SHISA9: variants seen among roughly 807,000 people sequenced by gnomAD.
SHISA9 encodes shisa family member 9, also known as protein shisa-9.
SHISA9 carries 13 observed loss-of-function variants against 38.0 expected under a neutral mutation model. The observed-to-expected ratio is 0.34, with a 90% CI of 0.22 to 0.54. The LOEUF (loss-of-function observed/expected upper bound fraction) is 0.54, where lower values mean the gene tolerates loss of function less well. SHISA9 is among the 20% of genes least tolerant of loss of function. The probability of loss-of-function intolerance (pLI) is 0.91; values close to 1 mark genes in which losing one functional copy is unlikely to be tolerated. For synonymous variants in SHISA9, 275 were observed against 242.0 expected (o/e 1.14, Z -1.27); for missense variants, 538 against 575.8 (o/e 0.93, Z 0.67).
the SHISA9 span, among the ~76,000 whole-genome samples, chr16:13,297,407 G>C: frequency 3.9e-5 from 6 of 152,288 alleles, no homozygotes; most frequent in African/African-American, 1.4e-4. Flanking sequence ...AGACCAGGTT[G>C]ACATAAGCCT....
intron 2 of SHISA9, among the ~76,000 whole-genome samples, chr16:12,935,399 C>T (rs1157171464): frequency 6.6e-6 from 1 of 152,128 alleles, no homozygotes; most frequent in Non-Finnish European, 1.5e-5. Flanking sequence ...TTTTCTTGCC[C>T]TGTGGCTTAG....
chr16:13,370,343 C>A, the SHISA9 span, among the ~76,000 whole-genome samples: 1 of 152,110 alleles, frequency 6.6e-6, no homozygotes, highest in African/African-American at 2.4e-5. Flanking sequence ...GATATGGGGA[C>A]CAGGTCTTTA....
At chr16:13,286,634 G>A in the SHISA9 span, among the ~76,000 whole-genome samples, 5 of 152,196 alleles carry the variant, frequency 3.3e-5, no homozygotes, top group African/African-American at 1.2e-4. Flanking sequence ...AAAATATATC[G>A]GAGAGCTTTG....
intron 2 of SHISA9, among the ~76,000 whole-genome samples, chr16:13,161,557 A>G (rs2050595290): frequency 6.6e-6 from 1 of 152,150 alleles, no homozygotes; most frequent in African/African-American, 2.4e-5. Flanking sequence ...TAAGAACTCA[A>G]AGGCATTTTT....
At chr16:12,911,785 CA>C (rs1482516359) in intron 1 of SHISA9, 4 of 151,994 alleles carry the variant, frequency 2.6e-5, no homozygotes. Context: ...CTTGCATGAT[CA>C]GTGCTATCTT....
At chr16:13,111,588 G>T (rs2073978748) in intron 2 of SHISA9, among the ~76,000 whole-genome samples, 1 of 152,166 alleles carries the variant, frequency 6.6e-6, no homozygotes, top group South Asian at 2.1e-4. Context: ...AGAAAGGCCA[G>T]AGTAAACATT....
the SHISA9 span, among the ~76,000 whole-genome samples, chr16:13,313,265 A>C: frequency 5.9e-5 from 9 of 151,478 alleles, no homozygotes; most frequent in Non-Finnish European, 8.8e-5. Context: ...AAAAAAAAAA[A>C]AAAAAAACCC....
chr16:13,070,295 TC>T (rs1207138477), intron 2 of SHISA9, among the ~76,000 whole-genome samples: 1 of 152,092 alleles, frequency 6.6e-6, no homozygotes, highest in East Asian at 1.9e-4. Context: ...TGTGTCTCCC[TC>T]CCTCTCTCTT....
chr16:12,972,846 T>C (rs926555833), intron 2 of SHISA9, among the ~76,000 whole-genome samples: 2 of 152,120 alleles, frequency 1.3e-5, no homozygotes, highest in African/African-American at 2.4e-5. Flanking sequence ...CTGGGTGCAG[T>C]GGTTCACTCC....
chr16:13,134,276 T>C (rs2050329338), intron 2 of SHISA9, among the ~76,000 whole-genome samples: 1 of 152,150 alleles, frequency 6.6e-6, no homozygotes, highest in Non-Finnish European at 1.5e-5. Flanking sequence ...TAAAATTAAA[T>C]AAAATAATGT....
chr16:13,435,052 C>A, the SHISA9 span, among the ~76,000 whole-genome samples: 1 of 152,336 alleles, frequency 6.6e-6, no homozygotes, highest in East Asian at 1.9e-4. Flanking sequence ...TGTAGGTAAT[C>A]TGTTCTTTTT....
intron 4 of SHISA9, 118 bp from the exon 5 acceptor site, chr16:13,234,912 T>G: frequency 1.6e-6 from 2 of 1,228,572 alleles, no homozygotes; most frequent in Non-Finnish European, 2.2e-6. Flanking sequence ...GTTTGGACTG[T>G]TGGCCCATTT....
intron 2 of SHISA9, among the ~76,000 whole-genome samples, chr16:13,157,895 A>G (rs1433880156): frequency 6.6e-6 from 1 of 152,192 alleles, no homozygotes; most frequent in African/African-American, 2.4e-5. Flanking sequence ...AGGCTCAGGA[A>G]GCCTCAGCTC....
At chr16:13,448,240 T>C in the SHISA9 span, among the ~76,000 whole-genome samples, 1 of 152,184 alleles carries the variant, frequency 6.6e-6, no homozygotes, top group Non-Finnish European at 1.5e-5. Context: ...ATAGAGAGCA[T>C]GCACATGTAC....
chr16:12,956,307 G>A (rs957455903), intron 2 of SHISA9, among the ~76,000 whole-genome samples: 3 of 152,310 alleles, frequency 2.0e-5, no homozygotes, highest in Non-Finnish European at 4.4e-5. Flanking sequence ...TAACCCTTAT[G>A]AGAAACAGTA....
intron 2 of SHISA9, among the ~76,000 whole-genome samples, chr16:12,933,171 A>T (rs1224811860): frequency 2.6e-5 from 4 of 152,220 alleles, no homozygotes; most frequent in African/African-American, 9.6e-5. Flanking sequence ...GAAACATATA[A>T]TAAACTTTTA....
At chr16:13,363,261 A>C in the SHISA9 span, among the ~76,000 whole-genome samples, 1 of 152,362 alleles carries the variant, frequency 6.6e-6, no homozygotes, top group Middle Eastern at 3.4e-3. Context: ...GAAGTTGTTC[A>C]TTTCATGTCT....
chr16:13,132,702 G>A (rs2050316534), intron 2 of SHISA9, among the ~76,000 whole-genome samples: 1 of 152,166 alleles, frequency 6.6e-6, no homozygotes, highest in African/African-American at 2.4e-5. Context: ...ATGCTTTCCT[G>A]ATGAAGGGAA....
the SHISA9 span, among the ~76,000 whole-genome samples, chr16:13,455,029 A>G: frequency 2.6e-5 from 4 of 151,736 alleles, no homozygotes; most frequent in African/African-American, 9.7e-5. Flanking sequence ...TTTTTATCAT[A>G]TCCCCTAAGT....
Sources: gnomAD v4.1 joint callset for allele counts (sites outside exome capture counted in the v4.1 genomes callset) on GRCh38, gnomAD v4.1.1 for gene constraint, MANE v1.5 for transcripts, NCBI Gene and HGNC (gene_info 2026-07-23, HGNC 2026-07-21) for gene names.